Variants in GTPBP6 observed in about 807,000 individuals in gnomAD.
GTPBP6 encodes GTP binding protein 6.
A neutral mutation model predicts 28.9 loss-of-function variants in GTPBP6; 33 were observed. The observed-to-expected ratio is 1.14, with a 90% CI of 0.87 to 1.53. The LOEUF is 1.53. Among genes scored for constraint, GTPBP6 ranks in the 40% most tolerant of loss-of-function variants. The pLI is 0.00. For missense variants in GTPBP6, 507 were observed against 408.3 expected (o/e 1.24, Z -2.08); for synonymous variants, 231 against 192.7 (o/e 1.20, Z -1.65).
intron 9 of GTPBP6, 28 bp downstream of exon 9, chrX:307,332 C>G: frequency 1.0e-5 from 16 of 1,607,956 alleles, no homozygotes; most frequent in Non-Finnish European, 1.4e-5. Context: ...AAGCACCATC[C>G]CGTCTCCTGC....
At chrX:312,518 G>A (rs1333945614) in intron 6 of GTPBP6, 1 of 690,542 alleles carries the variant, frequency 1.4e-6, no homozygotes. Flanking sequence ...GGATGGGGTA[G>A]ATGACATCCT....
chrX:312,733 C>T (rs373188190), intron 6 of GTPBP6, 33 bp downstream of exon 6: 71 of 1,565,572 alleles, frequency 4.5e-5, no homozygotes, highest in South Asian at 7.1e-5. Context: ...ACACGGAGAC[C>T]GCGGAAGGCC....
At chrX:309,578 C>G (rs1162608747) in intron 7 of GTPBP6, among the ~76,000 whole-genome samples, 2 of 152,136 alleles carry the variant, frequency 1.3e-5, no homozygotes, top group African/African-American at 2.4e-5. Context: ...TAGGTGGCCC[C>G]TAAATGCAAT....
Position 315,685 on chromosome X carries a change from T to TACACACGCAGACAC in GTPBP6, c.488-387_488-386insGTGTCTGCGTGTGT, listed in dbSNP as rs1364461824. On this transcript the variant is annotated intron_variant, in intron 2 of 9. Transcript: ENST00000326153. ...ACATCCCGGCAGGGACACAAACACA[T>TACACACGCAGACAC]ACACACACACACACACACACAGTAA... Among the ~76,000 whole-genome samples the TACACACGCAGACAC allele has an allele frequency of 3.4e-3, 8 of 2,320 alleles. 1 individual carries two copies. The highest frequency in any genetic ancestry group is 0.013 in the East Asian group (1 of 78). 1.5% of individuals were successfully genotyped at this position (2,320 alleles called of 152,430 possible). A position where few individuals can be genotyped will look rare whatever the true frequency, so the allele number is the denominator to read the frequency against.
chrX:308,211 C>A (rs2070213708), intron 7 of GTPBP6, among the ~76,000 whole-genome samples: 1 of 152,168 alleles, frequency 6.6e-6, no homozygotes, highest in Non-Finnish European at 1.5e-5. Context: ...AGGGCGGCTT[C>A]ATCCTCCTGT....
intron 2 of GTPBP6, among the ~76,000 whole-genome samples, chrX:316,340 G>GTCACACACAC (rs1206107221): frequency 9.5e-5 from 9 of 94,810 alleles, no homozygotes; most frequent in Non-Finnish European, 2.0e-4. Flanking sequence ...TCCCATTGGG[G>GTCACACACAC]ACACACACAC....
chrX:304,792 C>T (rs1373473681), exon 10 of GTPBP6: 4 of 1,343,858 alleles, frequency 3.0e-6, no homozygotes, highest in Non-Finnish European at 3.8e-6. Flanking sequence ...GTTACGGAAA[C>T]ATTCCGAGGG....
intron 5 of GTPBP6, 51 bp from the exon 6 acceptor site, chrX:312,975 A>ACACACTAAATAC: frequency 6.4e-7 from 1 of 1,553,512 alleles, no homozygotes. Flanking sequence ...GGAAAGGCAC[A>ACACACTAAATAC]AGTGCGGGCG....
chrX:314,156 C>G (rs774840718), exon 5 of GTPBP6: 24 of 1,612,880 alleles, frequency 1.5e-5, no homozygotes, highest in Middle Eastern at 3.3e-4. Flanking sequence ...TTACCTGACC[C>G]CATGATGTAG....
At position 305,052 on chromosome X, in the gene GTPBP6, G is replaced by A. The variant is rs377648635; in HGVS notation, c.*22C>T. On this transcript the variant is annotated 3_prime_UTR_variant, in exon 10 of 10. Coordinates refer to ENST00000326153, the Ensembl canonical transcript of GTPBP6. ...CCCCAGGCAGCGATGCCCCCACCCC[G>A]CAGGCCTCTGTGGGCGTCCGTTCAT... 1,400 of 1,609,836 alleles carry A rather than the reference G, an allele frequency of 8.7e-4. 1 individual carries two copies. Among genetic ancestry groups the A allele is most frequent in the Non-Finnish European group, 1.1e-3 (1,308 of 1,178,294 alleles).
At chrX:314,550 G>A (rs1483042914) in intron 4 of GTPBP6, among the ~76,000 whole-genome samples, 4 of 151,586 alleles carry the variant, frequency 2.6e-5, no homozygotes, top group East Asian at 3.9e-4. Context: ...TCGGCTCACT[G>A]CAAGCTCCAC....
At chrX:312,451 T>C (rs35047434) in intron 6 of GTPBP6, 31,383 of 568,650 alleles carry the variant, frequency 0.055, 1,047 homozygotes, top group South Asian at 0.069. Context: ...GACAGGAGGA[T>C]GGTGTAGATG....
At chrX:312,647 C>A (rs770779565) in intron 6 of GTPBP6, 119 bp downstream of exon 6, 8 of 1,054,638 alleles carry the variant, frequency 7.6e-6, no homozygotes, top group Admixed American at 1.9e-5. Flanking sequence ...TGGGCACGTG[C>A]TCACCGCAGC....
In GTPBP6 at chrX:317,725, C is replaced by CACCCCACGG. The variant is rs1350789625; in HGVS notation, c.350-683_350-675dup. ...CACCCCACCCCACCCCACCCCACCC[C>CACCCCACGG]ACCCCACGGACCCCACGGGCCCCAC... On this transcript the variant is annotated intron_variant, in intron 1 of 9. Transcript: ENST00000326153. 9.5e-4 allele frequency among the ~76,000 whole-genome samples: 117 copies of CACCCCACGG among 122,744 alleles called. 1 individual carries two copies. Among genetic ancestry groups the CACCCCACGG allele is most frequent in the African/African-American group, 2.7e-3 (93 of 34,460 alleles). 80.5% of individuals were successfully genotyped at this position (122,744 alleles called of 152,430 possible). A position where few individuals can be genotyped will look rare whatever the true frequency, so the allele number is the denominator to read the frequency against.
At position 312,647 on chromosome X, in the gene GTPBP6, C is replaced by T. The variant is rs770779565; in HGVS notation, c.916+119G>A. ...GGGAACCCCCTCTCCTGGGCACGTG[C>T]TCACCGCAGCTGTCGTACGGCACCA... On this transcript the variant is annotated intron_variant, in intron 6 of 9. Coordinates refer to ENST00000326153, the Ensembl canonical transcript of GTPBP6. 2.0e-5 allele frequency: 21 copies of T among 1,054,638 alleles called. No homozygotes were observed. In the African/African-American group the frequency reaches 3.3e-4, roughly 16 times the overall value. The allele number at this position is 1,054,638 out of a possible 1,614,324, so 65.3% of individuals were successfully genotyped here.
In GTPBP6 at chrX:315,685, T is replaced by TACACACGCAGACACACACACAC. The variant is rs1364461824; in HGVS notation, c.488-387_488-386insGTGTGTGTGTGTCTGCGTGTGT. ...ACATCCCGGCAGGGACACAAACACA[T>TACACACGCAGACACACACACAC]ACACACACACACACACACACAGTAA... On this transcript the variant is annotated intron_variant, in intron 2 of 9. Transcript: ENST00000326153. Among the ~76,000 whole-genome samples, 10 of 2,320 alleles carry TACACACGCAGACACACACACAC rather than the reference T, an allele frequency of 4.3e-3. 4 individuals carry two copies. Among genetic ancestry groups the TACACACGCAGACACACACACAC allele is most frequent in the Non-Finnish European group, 4.7e-3 (4 of 856 alleles). 1.5% of individuals were successfully genotyped at this position (2,320 alleles called of 152,430 possible).
At chrX:317,924 T>TATG (rs1491529766) in intron 1 of GTPBP6, among the ~76,000 whole-genome samples, 1 of 68,110 alleles carries the variant, frequency 1.5e-5, no homozygotes, top group Non-Finnish European at 2.8e-5. Flanking sequence ...CACCTCCACC[T>TATG]ATGAGATCCT....
exon 4 of GTPBP6, chrX:314,951 A>T (rs1249646733): frequency 2.5e-6 from 1 of 398,614 alleles, no homozygotes; most frequent in Admixed American, 4.4e-5. Flanking sequence ...CGGGCGTTAC[A>T]GCGGAAGATG....
At chrX:317,272 G>A (rs1464720983) in intron 1 of GTPBP6, among the ~76,000 whole-genome samples, 1 of 152,124 alleles carries the variant, frequency 6.6e-6, no homozygotes, top group Non-Finnish European at 1.5e-5. Flanking sequence ...GGGCGACCCT[G>A]CCTTACATGG....
Sources: gnomAD v4.1 joint callset for allele counts (sites outside exome capture counted in the v4.1 genomes callset) on GRCh38, gnomAD v4.1.1 for gene constraint, MANE v1.5 for transcripts, NCBI Gene and HGNC (gene_info 2026-07-23, HGNC 2026-07-21) for gene names.